RPH3AL: variants seen among roughly 807,000 people sequenced by gnomAD.
RPH3AL encodes the protein rabphilin 3A like (without C2 domains).
A neutral mutation model predicts 43.1 loss-of-function variants in RPH3AL; 38 were observed. The observed-to-expected ratio is 0.88, with a 90% CI of 0.68 to 1.15. The LOEUF (loss-of-function observed/expected upper bound fraction) is 1.15. Ranked by LOEUF, RPH3AL falls within the 50% of genes most tolerant of loss-of-function variation. The pLI is 0.00. For missense variants in RPH3AL, 462 were observed against 423.2 expected (o/e 1.09, Z -0.81); for synonymous variants, 189 against 176.3 (o/e 1.07, Z -0.57).
In RPH3AL at chr17:215,618, G is replaced by T. The variant is rs1166998237; in HGVS notation, c.876+36C>A. Reference sequence around the variant, plus strand: ...AGTGAGAGAGGACACGGCCGCGGGGGCAGGAGAGGGGAGAAGGCAGCAGTT... The same window carrying T: ...AGTGAGAGAGGACACGGCCGCGGGGTCAGGAGAGGGGAGAAGGCAGCAGTT... On this transcript the variant is annotated intron_variant, in intron 9 of 9. Coordinates refer to ENST00000331302, the MANE Select transcript of RPH3AL (RefSeq NM_006987.4). This position sits in a 1 kb window ranked among gnomAD's most constrained non-coding sequence, Gnocchi z 4.1. The T allele has an allele frequency of 2.4e-6, 3 of 1,258,284 alleles. No homozygotes were observed. Among genetic ancestry groups the T allele is most frequent in the Non-Finnish European group, 3.0e-6 (3 of 996,866 alleles). 77.9% of individuals were successfully genotyped at this position (1,258,284 alleles called of 1,614,324 possible).
At chr17:292,147 G>A (rs1184093630) in intron 5 of RPH3AL, among the ~76,000 whole-genome samples, 1 of 152,134 alleles carries the variant, frequency 6.6e-6, no homozygotes, top group Admixed American at 6.5e-5. Context: ...TCAGGCCTGT[G>A]CACCCCCACA....
chr17:228,029 T>C (rs2041145764), intron 7 of RPH3AL, among the ~76,000 whole-genome samples: 1 of 152,016 alleles, frequency 6.6e-6, no homozygotes. Context: ...CTGCTCCACC[T>C]GCACACAGGG....
At chr17:314,718 CTCCACTGACCTGTAGTCTCTGTGCT>C in intron 5 of RPH3AL, among the ~76,000 whole-genome samples, 1 of 145,610 alleles carries the variant, frequency 6.9e-6, no homozygotes, top group African/African-American at 2.5e-5. Flanking sequence ...TGTGCTCCAC[CTCCACTGACCTGTAGTCTCTGTGCT>C]CCACCTCCAT....
Position 305,033 on chromosome 17 carries a change from GGA to G in RPH3AL, c.351+14385_351+14386del, listed in dbSNP as rs1249485126. On this transcript the variant is annotated intron_variant, in intron 5 of 9. Coordinates refer to ENST00000331302, the MANE Select transcript of RPH3AL (RefSeq NM_006987.4). Reference sequence around the variant, plus strand: ...GCGAGAGGGGGACAGGGCGGGAGGGGGACAGGGCGAGAGGGGGACAGGGCGAG... The same window carrying G: ...GCGAGAGGGGGACAGGGCGGGAGGGGCAGGGCGAGAGGGGGACAGGGCGAG... Among the ~76,000 whole-genome samples, 29 of 95,822 alleles carry G rather than the reference GGA, an allele frequency of 3.0e-4. 3 individuals carry two copies. Among genetic ancestry groups the G allele is most frequent in the Non-Finnish European group, 4.9e-4 (23 of 47,328 alleles). 62.9% of individuals were successfully genotyped at this position (95,822 alleles called of 152,430 possible).
At chr17:347,582 CA>C (rs74220507) in intron 1 of RPH3AL, among the ~76,000 whole-genome samples, 2 of 146,562 alleles carry the variant, frequency 1.4e-5, no homozygotes, top group African/African-American at 5.1e-5. Context: ...AGACTCTGTT[CA>C]AAAAAAAAAC....
intron 7 of RPH3AL, among the ~76,000 whole-genome samples, chr17:233,668 A>G (rs1304434183): frequency 6.6e-6 from 1 of 152,208 alleles, no homozygotes; most frequent in African/African-American, 2.4e-5. Context: ...TTTTCTTGCA[A>G]CAGGCACCCC....
At chr17:300,700 C>A (rs577792697) in intron 5 of RPH3AL, among the ~76,000 whole-genome samples, 1 of 141,760 alleles carries the variant, frequency 7.1e-6, no homozygotes, top group African/African-American at 2.7e-5. Context: ...AGGGGCTGGC[C>A]CAGCCTAGAC....
intron 7 of RPH3AL, among the ~76,000 whole-genome samples, chr17:233,679 T>C (rs531632670): frequency 3.9e-4 from 59 of 152,232 alleles, no homozygotes; most frequent in Non-Finnish European, 8.2e-4. Flanking sequence ...CAGGCACCCC[T>C]ATTGGTCTGT....
chr17:279,305 T>C (rs933859507), intron 6 of RPH3AL, among the ~76,000 whole-genome samples: 8 of 152,158 alleles, frequency 5.3e-5, no homozygotes, highest in Admixed American at 1.3e-4. Flanking sequence ...CATGAACATG[T>C]TCCCAGCCCC....
chr17:301,337 G>A (rs922022226), intron 5 of RPH3AL, among the ~76,000 whole-genome samples: 7 of 152,134 alleles, frequency 4.6e-5, no homozygotes, highest in Admixed American at 1.3e-4. Flanking sequence ...AGGGTCTCAC[G>A]CTGTCACCTA....
At chr17:285,976 C>T (rs2042898708) in intron 5 of RPH3AL, among the ~76,000 whole-genome samples, 1 of 152,222 alleles carries the variant, frequency 6.6e-6, no homozygotes, top group African/African-American at 2.4e-5. Flanking sequence ...CACGGATGAA[C>T]AGGGTGGGGC....
intron 8 of RPH3AL, among the ~76,000 whole-genome samples, chr17:218,700 G>T (rs1205845338): frequency 1.3e-5 from 2 of 152,128 alleles, no homozygotes; most frequent in African/African-American, 4.8e-5. Flanking sequence ...CAGTCTCAAT[G>T]CCCCCGTTAA....
intron 1 of RPH3AL, among the ~76,000 whole-genome samples, chr17:337,693 T>C (rs1350907739): frequency 1.3e-5 from 2 of 152,184 alleles, no homozygotes; most frequent in Non-Finnish European, 2.9e-5. Context: ...CCTCGTTCAT[T>C]CAACACACAC....
chr17:348,325 A>C (rs1264051854), intron 1 of RPH3AL, among the ~76,000 whole-genome samples: 2 of 152,190 alleles, frequency 1.3e-5, no homozygotes, highest in African/African-American at 4.8e-5. Flanking sequence ...CATTGGTTGA[A>C]GTCCACACTA....
intron 6 of RPH3AL, among the ~76,000 whole-genome samples, chr17:250,991 C>T (rs1000188235): frequency 9.2e-5 from 14 of 152,258 alleles, no homozygotes; most frequent in Admixed American, 2.6e-4. Flanking sequence ...GCTCTCTACC[C>T]GCAATCTGCC....
At position 265,189 on chromosome 17, in the gene RPH3AL, C is replaced by T. The variant is rs1336185416; in HGVS notation, c.438+16579G>A. On this transcript the variant is annotated intron_variant, in intron 6 of 9. Transcript: ENST00000331302. ...GCAACCTCCACCTCCGAGGCTCAATCGATCCTCCCACCTAGGCTTCCCGAG... is the reference window on the plus strand; with the variant it reads ...GCAACCTCCACCTCCGAGGCTCAATTGATCCTCCCACCTAGGCTTCCCGAG... 2.0e-5 allele frequency among the ~76,000 whole-genome samples: 3 copies of T among 152,276 alleles called. No individual in the cohort carries two copies. The East Asian group carries it at 5.8e-4, about 29-fold the overall frequency.
chr17:258,224 C>T (rs117334973), intron 6 of RPH3AL, among the ~76,000 whole-genome samples: 2,113 of 152,266 alleles, frequency 0.014, 16 homozygotes, highest in Middle Eastern at 0.058. Context: ...CTCCACCAAA[C>T]AGGAGGAAGC....
rs2042595223 is a variant in RPH3AL at position 274,070 on chromosome 17, C to T, written c.438+7698G>A. Among the ~76,000 whole-genome samples, 1 of 152,212 alleles carries T rather than the reference C, an allele frequency of 6.6e-6. No homozygotes were observed. The highest frequency in any genetic ancestry group is 1.5e-5 in the Non-Finnish European group (1 of 68,032). On this transcript the variant is annotated intron_variant, in intron 6 of 9. Coordinates refer to ENST00000331302, the MANE Select transcript of RPH3AL (RefSeq NM_006987.4). This position sits in a 1 kb window ranked among gnomAD's most constrained non-coding sequence, Gnocchi z 4.7. ...GATTACAGCATCACTTTGAGTGAGT[C>T]ATTCTTCGTTTTCGTTTAGTGGATA...
intron 1 of RPH3AL, among the ~76,000 whole-genome samples, chr17:335,547 C>G (rs12453909): frequency 6.6e-6 from 1 of 151,946 alleles, no homozygotes. Context: ...TGAGCCCCCA[C>G]GTTTGGACAG....
Sources: gnomAD v4.1 joint callset for allele counts (sites outside exome capture counted in the v4.1 genomes callset) on GRCh38, gnomAD v4.1.1 for gene constraint, Gnocchi (gnomAD v3.1) non-coding constraint, MANE v1.5 for transcripts, NCBI Gene and HGNC (gene_info 2026-07-23, HGNC 2026-07-21) for gene names.